The following CNTD1 variants were observed in gnomAD, a reference collection of about 807,000 sequenced individuals.
CNTD1 encodes cyclin N-terminal domain containing 1, also known as cyclin N-terminal domain-containing protein 1.
Under a neutral mutation model 36.3 loss-of-function variants are expected in CNTD1, and 17 were observed. That is an observed-to-expected ratio of 0.47 (90% CI 0.32 to 0.70). CNTD1 has a LOEUF of 0.70. Ranked by LOEUF, CNTD1 falls within the 30% of genes least tolerant of loss-of-function variation. The pLI, the probability that CNTD1 is intolerant of heterozygous loss-of-function variation, is 0.03. For missense variants in CNTD1, 338 were observed against 386.1 expected, an observed-to-expected ratio of 0.88 and a Z score of 1.04; for synonymous variants, 128 against 153.3, an observed-to-expected ratio of 0.83 and a Z score of 1.22.
At chr17:42,805,422 C>A (rs1307929118) in intron 3 of CNTD1, 1 of 225,728 alleles carries the variant, frequency 4.4e-6, no homozygotes, top group Non-Finnish European at 8.8e-6. Context: ...AAAATGACTT[C>A]TTGAAATGGG....
At chr17:42,803,577 G>T (rs764259442) in intron 1 of CNTD1, 43 bp from the exon 2 acceptor site, 6 of 1,504,858 alleles carry the variant, frequency 4.0e-6, no homozygotes, top group Non-Finnish European at 5.5e-6. Flanking sequence ...GAGTGGTTTT[G>T]GTTGCATCTT....
In CNTD1 at chr17:42,804,214, C is replaced by T. The variant is rs770466696; in HGVS notation, c.246-11C>T. 6.2e-7 allele frequency: 1 copy of T among 1,608,742 alleles called. No individual in the cohort carries two copies. The highest frequency in any genetic ancestry group is 8.5e-7 in the Non-Finnish European group (1 of 1,177,026). ...AGTGAGGATTGTTTACTCTCCCTCC[C>T]TTCCCTACAGGTTTATGGTAAAACA... On this transcript the variant is annotated splice_polypyrimidine_tract_variant and intron_variant, in intron 2 of 6. Transcript: ENST00000588408.
At chr17:42,800,202 C>T (rs529672171) in intron 1 of CNTD1, among the ~76,000 whole-genome samples, 13 of 151,528 alleles carry the variant, frequency 8.6e-5, no homozygotes, top group Non-Finnish European at 1.6e-4. Flanking sequence ...AGATAAGAGA[C>T]GTCAGAGAGA....
Position 42,809,656 on chromosome 17 carries a change from C to A in CNTD1, c.*121C>A. On this transcript the variant is annotated 3_prime_UTR_variant, in exon 7 of 7. Coordinates refer to ENST00000588408, the MANE Select transcript of CNTD1 (RefSeq NM_173478.3). Reference sequence around the variant, plus strand: ...CTCTTTTGAACTGTATTTTGTATGCCAATTTCATGCTTATTTTTCCTTTAT... The same window carrying A: ...CTCTTTTGAACTGTATTTTGTATGCAAATTTCATGCTTATTTTTCCTTTAT... 1 of 822,354 alleles carries A rather than the reference C, an allele frequency of 1.2e-6. No homozygotes were observed. The highest frequency in any genetic ancestry group is 1.9e-6 in the Non-Finnish European group (1 of 537,030). The allele number at this position is 822,354 out of a possible 1,614,324, so 50.9% of individuals were successfully genotyped here.
In CNTD1 at chr17:42,810,943, A is replaced by G. The variant is rs778710701; in HGVS notation, c.*1408A>G. The G allele has an allele frequency of 1.5e-5, 23 of 1,570,156 alleles. No homozygotes were observed. The highest frequency in any genetic ancestry group is 2.0e-5 in the Non-Finnish European group (23 of 1,157,978). ...CCACATCCATCCTGCAGATGGACAG[A>G]GCAAAACTCATTAGTAACTGAGATC... On this transcript the variant is annotated 3_prime_UTR_variant, in exon 7 of 7. Coordinates refer to ENST00000588408, the MANE Select transcript of CNTD1 (RefSeq NM_173478.3).
intron 1 of CNTD1, among the ~76,000 whole-genome samples, chr17:42,799,752 CAAAA>C (rs780393099): frequency 8.3e-3 from 88 of 10,558 alleles, no homozygotes; most frequent in African/African-American, 0.02. Context: ...AACTCCGTCT[CAAAA>C]AAAAAAAAAA....
chr17:42,803,505 T>C (rs2054827924), intron 1 of CNTD1, 115 bp from the exon 2 acceptor site: 2 of 739,998 alleles, frequency 2.7e-6, no homozygotes, highest in Admixed American at 4.9e-5. Context: ...CTCATCTTTC[T>C]CACCTCCTGA....
chr17:42,807,961 G>A (rs992869518), intron 6 of CNTD1, 97 bp downstream of exon 6: 2 of 910,126 alleles, frequency 2.2e-6, no homozygotes, highest in African/African-American at 3.3e-5. Context: ...ACCTACAGAA[G>A]TGCCAAGACC....
chr17:42,799,725 C>G (rs1310644186), intron 1 of CNTD1, among the ~76,000 whole-genome samples: 1 of 116,600 alleles, frequency 8.6e-6, no homozygotes, highest in African/African-American at 3.5e-5. Context: ...GCACTTCAGC[C>G]TAGACGACAA....
At chr17:42,807,746 T>C (rs1202607732) in intron 5 of CNTD1, 22 bp from the exon 6 acceptor site, 1 of 1,536,750 alleles carries the variant, frequency 6.5e-7, no homozygotes, top group Admixed American at 1.7e-5. Flanking sequence ...GCTTTAAAAT[T>C]AATGTGGTTT....
chr17:42,805,867 C>T lies in CNTD1; in HGVS notation c.563C>T (p.Thr188Met), dbSNP rs61995870. ...NLPTPLAYVE[T>M]LLEVLGYNGC... ...CCCACTCCCCTGGCATATGTGGAGA[C>T]GCTCCTAGAGGTTTTAGGTATCTTA... Residue 188 changes from threonine (T) to methionine (M), a missense_variant, in exon 4 of 7, where the codon ACG becomes ATG. Coordinates refer to ENST00000588408, the MANE Select transcript of CNTD1 (RefSeq NM_173478.3). 6,278 of 1,612,524 alleles carry T rather than the reference C, an allele frequency of 3.9e-3. 200 individuals carry two copies. The African/African-American group carries it at 0.072, about 18-fold the overall frequency.
chr17:42,807,667 T>C (rs1597918999), intron 5 of CNTD1, 101 bp from the exon 6 acceptor site: 3 of 851,576 alleles, frequency 3.5e-6, no homozygotes, highest in Non-Finnish European at 5.8e-6. Flanking sequence ...AAATCCAAGA[T>C]GATCGACACA....
intron 1 of CNTD1, among the ~76,000 whole-genome samples, chr17:42,801,582 GTA>G (rs1457393248): frequency 8.0e-5 from 9 of 112,594 alleles, no homozygotes; most frequent in Non-Finnish European, 1.5e-4. Context: ...GTGTGTGTGT[GTA>G]TAATAGCTTT....
At chr17:42,805,909 G>A (rs765966652) in intron 4 of CNTD1, 25 bp downstream of exon 4, 1 of 1,590,606 alleles carries the variant, frequency 6.3e-7, no homozygotes, top group East Asian at 2.2e-5. Context: ...TAGGGAATAT[G>A]GGTTGGAGAC....
At position 42,809,968 on chromosome 17, in the gene CNTD1, G is replaced by T. The variant is rs1342056657; in HGVS notation, c.*433G>T. On this transcript the variant is annotated 3_prime_UTR_variant, in exon 7 of 7. Coordinates refer to ENST00000588408, the MANE Select transcript of CNTD1 (RefSeq NM_173478.3). The stretch of plus-strand genomic sequence containing the variant: ...CATTATTCAGATCTACACAAACAAG[G>T]CTTCCTCAACAGCTATCTATTTTTA... 6.6e-6 allele frequency: 1 copy of T among 152,520 alleles called. No homozygotes were observed. Among genetic ancestry groups the T allele is most frequent in the Non-Finnish European group, 1.5e-5 (1 of 68,322 alleles). 9.4% of individuals were successfully genotyped at this position (152,520 alleles called of 1,614,324 possible). A position where few individuals can be genotyped will look rare whatever the true frequency, so the allele number is the denominator to read the frequency against.
At position 42,811,326 on chromosome 17, in the gene CNTD1, G is replaced by A. The variant is rs892809848; in HGVS notation, c.*1791G>A. On this transcript the variant is annotated 3_prime_UTR_variant, in exon 7 of 7. Transcript: ENST00000588408. ...AAACTAGAGTTTCCATCCATCAATG[G>A]GATCCTAGAAAAATCAAAAGAAGCA... The A allele has an allele frequency of 1.8e-4, 52 of 288,114 alleles. No homozygotes were observed. Among genetic ancestry groups the A allele is most frequent in the Middle Eastern group, 2.0e-3 (2 of 1,020 alleles). 17.8% of individuals were successfully genotyped at this position (288,114 alleles called of 1,614,324 possible).
intron 1 of CNTD1, among the ~76,000 whole-genome samples, chr17:42,801,200 A>C (rs1416865299): frequency 3.4e-5 from 5 of 147,790 alleles, no homozygotes; most frequent in African/African-American, 1.3e-4. Context: ...AAAAAAAAAA[A>C]CAACAACAAA....
At chr17:42,807,942 CAG>C (rs1305057757) in intron 6 of CNTD1, 78 bp downstream of exon 6, 4 of 1,136,692 alleles carry the variant, frequency 3.5e-6, no homozygotes, top group African/African-American at 1.5e-5. Context: ...TAAAGGAAAA[CAG>C]AGGACAACCT....
At chr17:42,801,552 A>ATATATATAATATATGTG (rs2054795820) in intron 1 of CNTD1, among the ~76,000 whole-genome samples, 1 of 80,108 alleles carries the variant, frequency 1.2e-5, no homozygotes, top group African/African-American at 4.3e-5. Flanking sequence ...TATATAATAT[A>ATATATATAATATATGTG]TGTGTGTGTG....
Sources: gnomAD v4.1 joint callset for allele counts (sites outside exome capture counted in the v4.1 genomes callset) on GRCh38, gnomAD v4.1.1 for gene constraint, MANE v1.5 for transcripts, NCBI Gene and HGNC (gene_info 2026-07-23, HGNC 2026-07-21) for gene names.